The following EYS variants were observed in gnomAD, a reference collection of about 807,000 sequenced individuals.
EYS encodes EGF-like photoreceptor maintenance factor.
In EYS, 250 loss-of-function variants were observed where a neutral mutation model predicts 282.1. The observed-to-expected ratio is 0.89, with a 90% CI of 0.80 to 0.98. The LOEUF (loss-of-function observed/expected upper bound fraction) is 0.98, where lower values mean the gene tolerates loss of function less well. EYS is among the 50% of genes least tolerant of loss of function. The probability of loss-of-function intolerance (pLI) is 0.00; values close to 1 mark genes in which losing one functional copy is unlikely to be tolerated. For missense variants in EYS, 4,016 were observed against 3,709.0 expected (o/e 1.08, Z -2.15); for synonymous variants, 1,355 against 1,282.9 (o/e 1.06, Z -1.20).
intron 15 of EYS, among the ~76,000 whole-genome samples, chr6:64,929,242 C>T (rs1768626009): frequency 6.6e-6 from 1 of 152,020 alleles, no homozygotes. Context: ...GGTGATTCTT[C>T]AGAAGCCAAG....
intron 28 of EYS, among the ~76,000 whole-genome samples, chr6:64,399,486 T>C (rs1259105618): frequency 6.6e-6 from 1 of 151,874 alleles, no homozygotes; most frequent in African/African-American, 2.4e-5. Flanking sequence ...ACCACAATTA[T>C]GTAGTAATTA....
At chr6:64,439,403 C>G (rs764272568) in intron 26 of EYS, 51 bp from the exon 27 acceptor site, 1 of 1,222,836 alleles carries the variant, frequency 8.2e-7, no homozygotes, top group African/African-American at 1.6e-5. Flanking sequence ...ATATTCAATA[C>G]CTAGGTTTCA....
chr6:64,591,922 A>G lies in EYS; in HGVS notation c.3945T>C (p.Ile1315=). The change falls in exon 26 of 43, where the codon ATT becomes ATC. Residue 1315 remains isoleucine (I), a synonymous_variant. Transcript: ENST00000503581. ...GTAAGTAGCTTTCCAAGGGTGTGCT[A>G]ATTCTTAATGTTGCCAAACCAGTGG... is the stretch of plus-strand genomic sequence containing the variant. The part of the protein sequence containing the change: ...LPTTGLATLR[I]STPLESYLLQ... The G allele has an allele frequency of 6.5e-7, 1 of 1,544,594 alleles. No homozygotes were observed. The highest frequency in any genetic ancestry group is 8.8e-7 in the Non-Finnish European group (1 of 1,142,454).
intron 28 of EYS, among the ~76,000 whole-genome samples, chr6:64,407,376 A>G (rs1405302793): frequency 5.3e-5 from 8 of 152,038 alleles, no homozygotes; most frequent in Non-Finnish European, 1.5e-5. Context: ...GCAACAAAGC[A>G]CCATGGCACA....
chr6:64,064,909 T>A (rs998325614), intron 33 of EYS, among the ~76,000 whole-genome samples: 1 of 152,208 alleles, frequency 6.6e-6, no homozygotes, highest in East Asian at 1.9e-4. Flanking sequence ...TTAGAAATGG[T>A]TGAAATATTT....
intron 12 of EYS, among the ~76,000 whole-genome samples, chr6:65,089,827 G>A (rs974404066): frequency 2.6e-5 from 4 of 151,542 alleles, no homozygotes; most frequent in Admixed American, 6.6e-5. Context: ...ATGGTGGCAT[G>A]CACCTGTAAT....
rs4710460 is a variant in EYS at position 64,021,934 on chromosome 6, G to A, written c.6726-22751C>T. ...ATTGTTTTCTATCATGATACAAAGC[G>A]TTTCCCCATTATTTCTTTTTAAGAT... On this transcript the variant is annotated intron_variant, in intron 33 of 42. Transcript: ENST00000503581. Among the ~76,000 whole-genome samples, 198 of 152,244 alleles carry A rather than the reference G, an allele frequency of 1.3e-3. 1 individual carries two copies. The highest frequency in any genetic ancestry group is 0.011 in the Admixed American group (171 of 15,288).
chr6:65,138,720 C>T (rs1047315138), intron 12 of EYS, among the ~76,000 whole-genome samples: 1 of 151,982 alleles, frequency 6.6e-6, no homozygotes, highest in South Asian at 2.1e-4. Context: ...CCCCCAAATG[C>T]CTGCTTTAAC....
intron 19 of EYS, among the ~76,000 whole-genome samples, chr6:64,857,093 T>C (rs1241078296): frequency 6.6e-6 from 1 of 152,226 alleles, no homozygotes; most frequent in Non-Finnish European, 1.5e-5. Flanking sequence ...TATATTTTTA[T>C]GGGTCTATTT....
intron 31 of EYS, among the ~76,000 whole-genome samples, chr6:64,124,423 A>G (rs1242428871): frequency 6.6e-6 from 1 of 152,186 alleles, no homozygotes; most frequent in Non-Finnish European, 1.5e-5. Flanking sequence ...TGTTAAATAT[A>G]TTGCTCTAAG....
chr6:65,299,444 A>G (rs548069310), intron 11 of EYS, among the ~76,000 whole-genome samples: 1 of 151,548 alleles, frequency 6.6e-6, no homozygotes, highest in East Asian at 1.9e-4. Flanking sequence ...ATTGCTTTCT[A>G]ATGGCCATTG....
chr6:64,830,765 C>A (rs1266899342), intron 19 of EYS, among the ~76,000 whole-genome samples: 1 of 151,948 alleles, frequency 6.6e-6, no homozygotes, highest in Non-Finnish European at 1.5e-5. Context: ...GCAGGTAGAT[C>A]TGAGCAGCAC....
chr6:65,331,337 G>T, intron 11 of EYS: 1 of 699,950 alleles, frequency 1.4e-6, no homozygotes, highest in Non-Finnish European at 1.8e-6. Context: ...GAGCTTAGTG[G>T]TATATAGAGG....
chr6:64,986,764 A>AAAAT lies in EYS; in HGVS notation c.2259+10817_2259+10818insATTT, dbSNP rs200593618. 8.7e-5 allele frequency among the ~76,000 whole-genome samples: 13 copies of AAAAT among 149,528 alleles called. No homozygotes were observed. In the East Asian group the frequency reaches 2.6e-3, roughly 30 times the overall value. Reference sequence around the variant, plus strand: ...TAATTTTAAATTTTAGTTAAAATTGATGTATTTTAGAAATGTTTTTAGTTT... The same window carrying AAAAT: ...TAATTTTAAATTTTAGTTAAAATTGAAAATTGTATTTTAGAAATGTTTTTAGTTT... On this transcript the variant is annotated intron_variant, in intron 14 of 42. Transcript: ENST00000503581.
chr6:64,675,214 C>G (rs944071697), intron 22 of EYS, among the ~76,000 whole-genome samples: 6 of 151,964 alleles, frequency 3.9e-5, no homozygotes, highest in African/African-American at 7.3e-5. Context: ...ATGTCTTAGG[C>G]TTTTGCTCCC....
rs541089895 is a variant in EYS, at chr6:64,316,567, C to T, written c.6079-9485G>A. On this transcript the variant is annotated intron_variant, in intron 29 of 42. Coordinates refer to ENST00000503581, the MANE Select transcript of EYS (RefSeq NM_001142800.2). ...CACGGCTCAAGGAAATAAGAGAGGA[C>T]ACAAACAAATGGAAAAACATTCCAT... Among the ~76,000 whole-genome samples the T allele has an allele frequency of 3.4e-4, 52 of 152,112 alleles. No homozygotes were observed. In the East Asian group the frequency reaches 5.2e-3, roughly 15 times the overall value.
intron 2 of EYS, among the ~76,000 whole-genome samples, chr6:65,556,387 TTGTGTG>T (rs10602177): frequency 0.058 from 8,604 of 148,916 alleles, 732 homozygotes; most frequent in African/African-American, 0.18. Flanking sequence ...ACTGCTGGGT[TTGTGTG>T]TGTGTGTGTG....
intron 22 of EYS, among the ~76,000 whole-genome samples, chr6:64,807,915 T>C (rs916820238): frequency 6.6e-6 from 1 of 151,890 alleles, no homozygotes; most frequent in South Asian, 2.1e-4. Context: ...ATGTCAGTGG[T>C]TCATTCATTT....
chr6:64,682,811 T>A (rs1201102414), intron 22 of EYS, among the ~76,000 whole-genome samples: 2 of 152,206 alleles, frequency 1.3e-5, no homozygotes, highest in Non-Finnish European at 2.9e-5. Context: ...CCTTTTTAAA[T>A]AAACTTCCGC....
Sources: allele counts gnomAD v4.1 joint callset (sites outside exome capture counted in the v4.1 genomes callset), GRCh38; gene constraint gnomAD v4.1.1; transcripts MANE v1.5; gene names NCBI Gene and HGNC (gene_info 2026-07-23, HGNC 2026-07-21).